ARHGEF11: variants seen among roughly 807,000 people sequenced by gnomAD.
ARHGEF11 encodes the protein Rho guanine exchange factor (GEF) 11.
A neutral mutation model predicts 193.7 loss-of-function variants in ARHGEF11; 55 were observed. The observed-to-expected ratio is 0.28, with a 90% confidence interval of 0.23 to 0.36. ARHGEF11 has a LOEUF of 0.36. Ranked by LOEUF, ARHGEF11 falls within the 10% of genes least tolerant of loss-of-function variation. The probability of loss-of-function intolerance (pLI) is 1.00; values close to 1 mark genes in which losing one functional copy is unlikely to be tolerated. For missense variants in ARHGEF11, 1,723 were observed against 2,005.6 expected, an observed-to-expected ratio of 0.86 and a Z score of 2.69; for synonymous variants, 693 against 768.0, an observed-to-expected ratio of 0.90 and a Z score of 1.62.
At chr1:156,955,395 A>C (rs1429729452) in intron 20 of ARHGEF11, among the ~76,000 whole-genome samples, 1 of 152,016 alleles carries the variant, frequency 6.6e-6, no homozygotes, top group Admixed American at 6.6e-5. Context: ...TGAAGGGGGC[A>C]TTTTCTGTCC....
chr1:156,942,451 A>G (rs1032212282), intron 33 of ARHGEF11, among the ~76,000 whole-genome samples: 5 of 152,224 alleles, frequency 3.3e-5, no homozygotes, highest in Admixed American at 3.3e-4. Context: ...AAGAAGCAGC[A>G]GCAGCGGCTG....
chr1:156,945,452 C>A, intron 29 of ARHGEF11: 1 of 511,496 alleles, frequency 2.0e-6, no homozygotes, highest in Non-Finnish European at 3.5e-6. Flanking sequence ...TCTACTACAA[C>A]CAGCTCTACA....
chr1:156,986,008 C>T, intron 2 of ARHGEF11, 74 bp downstream of exon 2: 2 of 1,317,566 alleles, frequency 1.5e-6, no homozygotes, highest in East Asian at 2.3e-5. Flanking sequence ...CCATTGGCCT[C>T]CCAAGTAGCT....
Position 156,935,689 on chromosome 1 carries a change from G to A in ARHGEF11, c.*311C>T, listed in dbSNP as rs149872717. 9 of 315,302 alleles carry A rather than the reference G, an allele frequency of 2.9e-5. No individual in the cohort carries two copies. The highest frequency in any genetic ancestry group is 1.1e-4 in the African/African-American group (5 of 47,084). The allele number at this position is 315,302 out of a possible 1,614,324, so 19.5% of individuals were successfully genotyped here. A position where few individuals can be genotyped will look rare whatever the true frequency, so the allele number is the denominator to read the frequency against. On this transcript the variant is annotated 3_prime_UTR_variant, in exon 41 of 41. Transcript: ENST00000368194. ...GAGGGCAGCGCACATACAGGCGTGCGCGTGTACACACATATGTGGGGTGAG... is the reference window on the plus strand; with the variant it reads ...GAGGGCAGCGCACATACAGGCGTGCACGTGTACACACATATGTGGGGTGAG...
At chr1:156,947,282 T>C (rs765585801) in intron 26 of ARHGEF11, 22 bp downstream of exon 26, 17 of 1,588,226 alleles carry the variant, frequency 1.1e-5, no homozygotes, top group Non-Finnish European at 1.4e-5. Context: ...AAGAGGAGTC[T>C]GGAGGGGCAC....
Position 156,939,815 on chromosome 1 carries a change from T to G in ARHGEF11, c.3829A>C (p.Thr1277Pro). 1 of 1,613,646 alleles carries G rather than the reference T, an allele frequency of 6.2e-7. No homozygotes were observed. The highest frequency in any genetic ancestry group is 8.5e-7 in the Non-Finnish European group (1 of 1,179,936). Residue 1277 changes from threonine to proline, a missense_variant, in exon 37 of 41, where the codon ACA becomes CCA. Thr to Pro is a conservative substitution (Grantham distance 38). This residue lies in a region of ARHGEF11 where 203 missense variants were observed against 237.3 expected (regional missense o/e 0.86). Transcript: ENST00000368194. ...AQEPEDDLTP[T>P]PSVISVTSHP... is the part of the protein sequence containing the mutation. Reference sequence around the variant, plus strand: ...GAGGTGACGCTGATGACAGAAGGTGTGGGTGTCAGGTCGTCCTCGGGCTCC... The same window carrying G: ...GAGGTGACGCTGATGACAGAAGGTGGGGGTGTCAGGTCGTCCTCGGGCTCC...
rs567488551 is a variant in ARHGEF11 at position 157,013,259 on chromosome 1, T to TCACACACACA, written c.33-27087_33-27086insTGTGTGTGTG. Among the ~76,000 whole-genome samples, 1,046 of 109,544 alleles carry TCACACACACA rather than the reference T, an allele frequency of 9.5e-3. 40 individuals are homozygous for TCACACACACA. Among genetic ancestry groups the TCACACACACA allele is most frequent in the African/African-American group, 0.014 (403 of 28,478 alleles). The allele number at this position is 109,544 out of a possible 152,430, so 71.9% of individuals were successfully genotyped here. A position where few individuals can be genotyped will look rare whatever the true frequency, so the allele number is the denominator to read the frequency against. On this transcript the variant is annotated intron_variant, in intron 1 of 40. Coordinates refer to ENST00000368194, the MANE Select transcript of ARHGEF11 (RefSeq NM_198236.3). The stretch of plus-strand genomic sequence containing the variant: ...CCCAACTGCTCATAACTCCCCACTA[T>TCACACACACA]CACTCACACACACACACACACACAC...
At chr1:156,988,265 T>C (rs2102509832) in intron 1 of ARHGEF11, among the ~76,000 whole-genome samples, 1 of 152,306 alleles carries the variant, frequency 6.6e-6, no homozygotes, top group Non-Finnish European at 1.5e-5. Flanking sequence ...GTGTCCCCAG[T>C]GCCTGACGCA....
chr1:156,972,196 A>G (rs1253961849), intron 7 of ARHGEF11, among the ~76,000 whole-genome samples: 1 of 152,250 alleles, frequency 6.6e-6, no homozygotes, highest in African/African-American at 2.4e-5. Context: ...GAACCTACAC[A>G]CAATGGAACC....
intron 29 of ARHGEF11, chr1:156,945,741 A>G (rs558883280): frequency 1.2e-5 from 4 of 337,772 alleles, no homozygotes; most frequent in Non-Finnish European, 2.2e-5. Context: ...ATGCAACCAG[A>G]GGGACCCAGG....
chr1:156,971,812 A>G lies in ARHGEF11; in HGVS notation c.587T>C (p.Ile196Thr). 6.2e-7 allele frequency: 1 copy of G among 1,613,242 alleles called. No homozygotes were observed. Among genetic ancestry groups the G allele is most frequent in the Non-Finnish European group, 8.5e-7 (1 of 1,179,812 alleles). The change falls in exon 8 of 41, where the codon ATC becomes ACC. Residue 196 changes from isoleucine to threonine, a missense_variant. By Grantham distance (89) the Ile-to-Thr change is moderately conservative. Coordinates refer to ENST00000368194, the MANE Select transcript of ARHGEF11 (RefSeq NM_198236.3). ...GGGGTTCCGGCTATAGACCTCACAGATACGCTAGGGATGGGTGAGGAGGAG... is the reference window on the plus strand; with the variant it reads ...GGGGTTCCGGCTATAGACCTCACAGGTACGCTAGGGATGGGTGAGGAGGAG... The part of the protein sequence containing the change: ...LRQEEKELQR[I>T]CEVYSRNPAS...
chr1:157,003,088 C>T (rs577189686), intron 1 of ARHGEF11, among the ~76,000 whole-genome samples: 1 of 152,312 alleles, frequency 6.6e-6, no homozygotes, highest in South Asian at 2.1e-4. Flanking sequence ...TCATATTAGC[C>T]ATTCTTATGT....
intron 10 of ARHGEF11, 106 bp from the exon 11 acceptor site, chr1:156,968,230 G>C (rs973396021): frequency 3.1e-6 from 4 of 1,273,404 alleles, no homozygotes; most frequent in South Asian, 1.5e-5. Context: ...CATCAGCTAA[G>C]AGAAGTGCAG....
intron 1 of ARHGEF11, among the ~76,000 whole-genome samples, chr1:157,037,641 T>C (rs1672207747): frequency 6.6e-6 from 1 of 152,226 alleles, no homozygotes; most frequent in Non-Finnish European, 1.5e-5. Flanking sequence ...CCTTGCACTC[T>C]TCTCTAAATG....
chr1:156,975,679 G>A (rs1279526261), intron 7 of ARHGEF11, among the ~76,000 whole-genome samples: 2 of 152,170 alleles, frequency 1.3e-5, no homozygotes, highest in Non-Finnish European at 2.9e-5. Context: ...GAGTTTTACA[G>A]TTTTTAAAAA....
At chr1:156,977,716 T>C (rs900889664) in intron 6 of ARHGEF11, among the ~76,000 whole-genome samples, 2 of 152,150 alleles carry the variant, frequency 1.3e-5, no homozygotes, top group African/African-American at 2.4e-5. Context: ...GCCTAGCCTC[T>C]ACTTGTTTTT....
chr1:156,944,231 G>T, intron 31 of ARHGEF11, 127 bp downstream of exon 31: 1 of 1,425,070 alleles, frequency 7.0e-7, no homozygotes, highest in Non-Finnish European at 9.7e-7. Flanking sequence ...TTCTCTCTCT[G>T]ATTATTCCCT....
Position 156,948,208 on chromosome 1 carries a change from G to A in ARHGEF11, c.2126C>T (p.Pro709Leu). ...GCGGCCCATTTTGGGAGTGAATGGAGGGGTTGGGTTCTCAAGAGACCTGTG... is the reference window on the plus strand; with the variant it reads ...GCGGCCCATTTTGGGAGTGAATGGAAGGGTTGGGTTCTCAAGAGACCTGTG... ...LSTRSLENPT[P>L]PFTPKMGRRS... Residue 709 changes from proline to leucine, a missense_variant, in exon 24 of 41, where the codon CCT becomes CTT. Physicochemically the swap from Pro to Leu is moderately conservative, Grantham distance 98. Around this residue, in one of 5 missense-constraint regions of ARHGEF11, gnomAD observed 491 missense variants for 654.5 expected, o/e 0.75. Coordinates refer to ENST00000368194, the MANE Select transcript of ARHGEF11 (RefSeq NM_198236.3). This position sits in a 1 kb window ranked among gnomAD's most constrained non-coding sequence, Gnocchi z 4.2. The A allele has an allele frequency of 6.3e-7, 1 of 1,580,840 alleles. No homozygotes were observed. The highest frequency in any genetic ancestry group is 8.6e-7 in the Non-Finnish European group (1 of 1,161,482).
At chr1:157,005,150 G>T (rs542940707) in intron 1 of ARHGEF11, among the ~76,000 whole-genome samples, 93 of 152,334 alleles carry the variant, frequency 6.1e-4, no homozygotes, top group Admixed American at 1.0e-3. Context: ...ACTTTGTATA[G>T]TACTTCCCTT....
Sources: gnomAD v4.1 joint callset for allele counts (sites outside exome capture counted in the v4.1 genomes callset) on GRCh38, gnomAD v4.1.1 for gene constraint, gnomAD v4.1.1 regional missense constraint, Gnocchi (gnomAD v3.1) non-coding constraint, MANE v1.5 for transcripts, NCBI Gene and HGNC (gene_info 2026-07-23, HGNC 2026-07-21) for gene names.